ZRANB3: variants seen among roughly 807,000 people sequenced by gnomAD.
ZRANB3 encodes DNA annealing helicase and endonuclease ZRANB3.
Under a neutral mutation model 133.8 loss-of-function variants are expected in ZRANB3, and 125 were observed. The observed-to-expected ratio is 0.93, with a 90% CI of 0.81 to 1.08. ZRANB3 has a LOEUF of 1.08. ZRANB3 is among the 50% of genes least tolerant of loss of function. The pLI is 0.00. For synonymous variants in ZRANB3, 387 were observed against 432.7 expected (o/e 0.89, Z 1.31); for missense variants, 1,229 against 1,275.5 (o/e 0.96, Z 0.56).
intron 6 of ZRANB3, among the ~76,000 whole-genome samples, chr2:135,325,102 CTG>C (rs1320367534): frequency 6.6e-6 from 1 of 152,164 alleles, no homozygotes; most frequent in Non-Finnish European, 1.5e-5. Context: ...TCAATGCAAT[CTG>C]TATCAAAATT....
At chr2:135,360,033 T>C (rs1172250898) in intron 3 of ZRANB3, among the ~76,000 whole-genome samples, 1 of 152,156 alleles carries the variant, frequency 6.6e-6, no homozygotes, top group Non-Finnish European at 1.5e-5. Flanking sequence ...AAAGGAATAA[T>C]ACATAGAATG....
intron 2 of ZRANB3, among the ~76,000 whole-genome samples, chr2:135,493,671 TG>T (rs1371471873): frequency 6.6e-6 from 1 of 152,132 alleles, no homozygotes; most frequent in Non-Finnish European, 1.5e-5. Context: ...CAACATCAAA[TG>T]TTGACAGAGA....
At chr2:135,271,978 A>G in intron 9 of ZRANB3, 91 bp from the exon 10 acceptor site, 1 of 1,328,308 alleles carries the variant, frequency 7.5e-7, no homozygotes, top group Non-Finnish European at 9.7e-7. Context: ...TTATGGTCAC[A>G]TAACAAAATG....
At chr2:135,417,691 A>G (rs1396488232) in intron 2 of ZRANB3, among the ~76,000 whole-genome samples, 10 of 152,324 alleles carry the variant, frequency 6.6e-5, no homozygotes, top group South Asian at 2.1e-4. Context: ...ATTCACAATA[A>G]CAAAGACTTG....
Position 135,315,425 on chromosome 2 carries a change from A to C in ZRANB3, c.783T>G (p.Val261=). ...DIMIRRLKTE[V]LTQLPPKVRQ... ...TGACTTTAGGGGGTAGCTGGGTTAA[A>C]ACTTCAGTCTTTAATCTTCTAATCA... Residue 261 remains valine (V), a synonymous_variant, in exon 7 of 21, where the codon GTT becomes GTG. Coordinates refer to ENST00000264159, the MANE Select transcript of ZRANB3 (RefSeq NM_032143.4). 6.2e-7 allele frequency: 1 copy of C among 1,606,658 alleles called. No individual in the cohort carries two copies. The highest frequency in any genetic ancestry group is 8.5e-7 in the Non-Finnish European group (1 of 1,177,280).
chr2:135,340,261 A>T (rs561694173), intron 6 of ZRANB3, among the ~76,000 whole-genome samples: 43 of 151,790 alleles, frequency 2.8e-4, no homozygotes, highest in Non-Finnish European at 4.9e-4. Flanking sequence ...GCCCGCCACC[A>T]CGCCCAGCTA....
At chr2:135,396,075 C>T (rs1453593152) in intron 2 of ZRANB3, among the ~76,000 whole-genome samples, 1 of 152,060 alleles carries the variant, frequency 6.6e-6, no homozygotes. Flanking sequence ...AAAATGTGCT[C>T]GACAGCATTG....
At chr2:135,324,442 T>C (rs910911522) in intron 6 of ZRANB3, among the ~76,000 whole-genome samples, 17 of 152,224 alleles carry the variant, frequency 1.1e-4, no homozygotes, top group Non-Finnish European at 5.9e-5. Flanking sequence ...CAGTATTCCA[T>C]GGTGTACATG....
intron 3 of ZRANB3, among the ~76,000 whole-genome samples, chr2:135,386,559 A>C (rs905513304): frequency 2.0e-5 from 3 of 152,212 alleles, no homozygotes; most frequent in Non-Finnish European, 2.9e-5. Context: ...TTACTGGGGC[A>C]CTATTCACAA....
At chr2:135,240,690 C>T (rs1695512779) in intron 12 of ZRANB3, among the ~76,000 whole-genome samples, 1 of 152,168 alleles carries the variant, frequency 6.6e-6, no homozygotes, top group Admixed American at 6.5e-5. Flanking sequence ...GTGATCCTCC[C>T]ACCTCAGCTT....
intron 12 of ZRANB3, among the ~76,000 whole-genome samples, chr2:135,263,544 G>A (rs1680068744): frequency 1.3e-5 from 2 of 152,128 alleles, no homozygotes; most frequent in Non-Finnish European, 2.9e-5. Context: ...AAGGGAGTAA[G>A]TGCTCCTTAA....
intron 17 of ZRANB3, among the ~76,000 whole-genome samples, 199 bp downstream of exon 17, chr2:135,217,266 A>G (rs950870269): frequency 6.6e-6 from 1 of 152,098 alleles, no homozygotes; most frequent in East Asian, 1.9e-4. Context: ...GGACAACCTG[A>G]TCTCTTTTAG....
intron 3 of ZRANB3, among the ~76,000 whole-genome samples, chr2:135,379,387 T>A (rs934445356): frequency 6.6e-6 from 1 of 152,174 alleles, no homozygotes; most frequent in African/African-American, 2.4e-5. Context: ...TCAAGAATAC[T>A]GTCTCAAAAA....
chr2:135,530,212 A>C (rs1432008156), intron 1 of ZRANB3, among the ~76,000 whole-genome samples: 1 of 151,590 alleles, frequency 6.6e-6, no homozygotes, highest in Non-Finnish European at 1.5e-5. Context: ...CCGTCTCAAA[A>C]AAAAAAAAAA....
At chr2:135,307,756 G>T (rs767854406) in intron 8 of ZRANB3, among the ~76,000 whole-genome samples, 5 of 152,128 alleles carry the variant, frequency 3.3e-5, no homozygotes, top group Non-Finnish European at 7.4e-5. Flanking sequence ...CTTCCTTTGA[G>T]GTGATGATAG....
intron 3 of ZRANB3, among the ~76,000 whole-genome samples, chr2:135,365,407 T>C (rs934226777): frequency 1.1e-4 from 16 of 152,214 alleles, no homozygotes; most frequent in African/African-American, 3.6e-4. Flanking sequence ...GCTTTGATTA[T>C]ATATCTCAGG....
At chr2:135,438,534 T>C (rs1689646015) in intron 2 of ZRANB3, among the ~76,000 whole-genome samples, 7 of 151,654 alleles carry the variant, frequency 4.6e-5, no homozygotes, top group Admixed American at 4.6e-4. Flanking sequence ...AATTGTTAAT[T>C]GTATTTCCTG....
Position 135,282,936 on chromosome 2 carries a change from G to A in ZRANB3, c.967-7181C>T, listed in dbSNP as rs192279424. Among the ~76,000 whole-genome samples, 842 of 152,242 alleles carry A rather than the reference G, an allele frequency of 5.5e-3. 3 individuals carry two copies. The highest frequency in any genetic ancestry group is 0.031 in the Middle Eastern group (9 of 290). ...GACAAAGTAAAGCCAATAGTATTATGAGCTTTAAAAAAGTTATTTTCATGG... is the reference window on the plus strand; with the variant it reads ...GACAAAGTAAAGCCAATAGTATTATAAGCTTTAAAAAAGTTATTTTCATGG... On this transcript the variant is annotated intron_variant, in intron 8 of 20. Coordinates refer to ENST00000264159, the MANE Select transcript of ZRANB3 (RefSeq NM_032143.4).
chr2:135,329,851 T>C (rs1263520898), intron 6 of ZRANB3, among the ~76,000 whole-genome samples: 1 of 152,176 alleles, frequency 6.6e-6, no homozygotes, highest in African/African-American at 2.4e-5. Flanking sequence ...TTTGGCTCTC[T>C]GTTTGTCTGT....
Sources: allele counts gnomAD v4.1 joint callset (sites outside exome capture counted in the v4.1 genomes callset), GRCh38; gene constraint gnomAD v4.1.1; transcripts MANE v1.5; gene names NCBI Gene and HGNC (gene_info 2026-07-23, HGNC 2026-07-21).